Variants in AJAP1 observed in about 807,000 individuals in gnomAD.
AJAP1 encodes adherens junctions associated protein 1.
In AJAP1, 5 loss-of-function variants were observed where a neutral mutation model predicts 35.0. That is an observed-to-expected ratio of 0.14 (90% confidence interval 0.07 to 0.30). The LOEUF (loss-of-function observed/expected upper bound fraction) is 0.30. Ranked by LOEUF, AJAP1 falls within the 10% of genes least tolerant of loss-of-function variation. AJAP1 has a pLI of 1.00. For synonymous variants in AJAP1, 284 were observed against 249.3 expected (o/e 1.14, Z -1.31); for missense variants, 586 against 571.0 (o/e 1.03, Z -0.27).
chr1:4,733,340 G>T (rs897182553), intron 2 of AJAP1, among the ~76,000 whole-genome samples: 17 of 151,958 alleles, frequency 1.1e-4, no homozygotes, highest in African/African-American at 3.9e-4. Flanking sequence ...TCCAAAGCCT[G>T]GGTTTAGAAC....
chr1:4,710,111 CACAGGGACACACAGAT>C (rs1384974975), intron 1 of AJAP1, among the ~76,000 whole-genome samples: 1 of 152,038 alleles, frequency 6.6e-6, no homozygotes, highest in Non-Finnish European at 1.5e-5. Flanking sequence ...CGCATGCTCA[CACAGGGACACACAGAT>C]ACAGTTGCAC....
intron 2 of AJAP1, among the ~76,000 whole-genome samples, chr1:4,757,709 C>G (rs985575900): frequency 6.6e-6 from 1 of 152,200 alleles, no homozygotes; most frequent in Non-Finnish European, 1.5e-5. Flanking sequence ...GGTTTGTAGC[C>G]TGTTCTGGAT....
rs899163471 is a variant in AJAP1, at chr1:4,770,039, T to C, written c.917+99T>C. On this transcript the variant is annotated intron_variant, in intron 3 of 5. Transcript: ENST00000378191. The stretch of plus-strand genomic sequence containing the variant: ...CCCCTACTTTTCAAAGCCAGCCTGT[T>C]CTGCTGGCTTCTGCCCTGGGCAGTT... 53 of 1,040,038 alleles carry C rather than the reference T, an allele frequency of 5.1e-5. No individual in the cohort carries two copies. The African/African-American group carries it at 6.6e-4, about 13-fold the overall frequency. The allele number at this position is 1,040,038 out of a possible 1,614,324, so 64.4% of individuals were successfully genotyped here.
chr1:4,790,285 T>C lies in AJAP1; in HGVS notation c.*7800T>C, dbSNP rs1258100643. On this transcript the variant is annotated 3_prime_UTR_variant, in exon 6 of 6. Transcript: ENST00000378191. ...TTCTCTATTATTTCTCTCACATACA[T>C]GTGGATTTCTAATATCAAGTTATGT... is the stretch of plus-strand genomic sequence containing the variant. The C allele has an allele frequency of 6.6e-6, 1 of 152,252 alleles. No individual in the cohort carries two copies. Among genetic ancestry groups the C allele is most frequent in the Admixed American group, 6.5e-5 (1 of 15,286 alleles). 9.4% of individuals were successfully genotyped at this position (152,252 alleles called of 1,614,324 possible).
chr1:4,667,842 C>T (rs937443120), intron 1 of AJAP1, among the ~76,000 whole-genome samples: 1 of 152,168 alleles, frequency 6.6e-6, no homozygotes, highest in African/African-American at 2.4e-5. Flanking sequence ...GCAATGAGCC[C>T]ACAGCACTGA....
At chr1:4,687,116 C>A (rs149166353) in intron 1 of AJAP1, among the ~76,000 whole-genome samples, 2 of 152,218 alleles carry the variant, frequency 1.3e-5, no homozygotes, top group East Asian at 3.9e-4. Flanking sequence ...CTTTTCCTCG[C>A]TCTTTCCTTT....
At chr1:4,732,607 A>C (rs549222676) in intron 2 of AJAP1, among the ~76,000 whole-genome samples, 80 of 152,328 alleles carry the variant, frequency 5.3e-4, no homozygotes, top group African/African-American at 1.8e-3. Context: ...TGTCAATGAG[A>C]GTGTCCCTTG....
chr1:4,769,384 A>T (rs1164642350), intron 2 of AJAP1, among the ~76,000 whole-genome samples: 1 of 152,104 alleles, frequency 6.6e-6, no homozygotes, highest in East Asian at 1.9e-4. Flanking sequence ...GTCAGGCCAA[A>T]CCCTGCTCCC....
Position 4,655,753 on chromosome 1 carries a change from C to A in AJAP1, c.29+299C>A, listed in dbSNP as rs939199961. Among the ~76,000 whole-genome samples the A allele has an allele frequency of 6.7e-6, 1 of 149,642 alleles. No homozygotes were observed. ...GCGCGCCCGCAGCTCTAGGAGCCAG[C>A]AGCGCAGTGTCCTGGCCGGCTGCCC... On this transcript the variant is annotated intron_variant, in intron 1 of 5. Coordinates refer to ENST00000378191, the MANE Select transcript of AJAP1 (RefSeq NM_018836.4). This position sits in a 1 kb window ranked among gnomAD's most constrained non-coding sequence, Gnocchi z 6.9.
rs1425972058 is a variant in AJAP1 at position 4,782,838 on chromosome 1, C to T, written c.*353C>T. The T allele has an allele frequency of 1.5e-5, 6 of 398,436 alleles. No individual in the cohort carries two copies. The highest frequency in any genetic ancestry group is 3.6e-5 in the East Asian group (1 of 28,068). 24.7% of individuals were successfully genotyped at this position (398,436 alleles called of 1,614,324 possible). On this transcript the variant is annotated 3_prime_UTR_variant, in exon 6 of 6. Transcript: ENST00000378191. The surrounding 1 kb of genome is among the most constrained non-coding windows in gnomAD (Gnocchi z 5.3). ...AGCGAAAGGGACGGGAGGAAGCATC[C>T]GAAACCTAGGATTCGTCCTACGATT... is the stretch of plus-strand genomic sequence containing the variant.
chr1:4,682,194 C>G (rs1639498299), intron 1 of AJAP1, among the ~76,000 whole-genome samples: 1 of 152,190 alleles, frequency 6.6e-6, no homozygotes, highest in Non-Finnish European at 1.5e-5. Flanking sequence ...CATCTTAGAA[C>G]CCATGAAATA....
chr1:4,741,186 G>A (rs1271118491), intron 2 of AJAP1, among the ~76,000 whole-genome samples: 1 of 152,134 alleles, frequency 6.6e-6, no homozygotes, highest in African/African-American at 2.4e-5. Flanking sequence ...GTGAGCCCAG[G>A]GTCTTGGCTA....
intron 2 of AJAP1, among the ~76,000 whole-genome samples, chr1:4,754,884 G>A (rs914144690): frequency 1.3e-5 from 2 of 152,160 alleles, no homozygotes; most frequent in Admixed American, 1.3e-4. Flanking sequence ...GCATTTGTGG[G>A]GACAGTGCTC....
At chr1:4,772,548 C>G (rs756157078) in intron 4 of AJAP1, 23 bp downstream of exon 4, 1 of 1,608,198 alleles carries the variant, frequency 6.2e-7, no homozygotes, top group Non-Finnish European at 8.5e-7. Flanking sequence ...TCTGCTAGAC[C>G]CTGCAGCTGT....
At chr1:4,719,117 C>T (rs767502697) in intron 2 of AJAP1, among the ~76,000 whole-genome samples, 5 of 152,156 alleles carry the variant, frequency 3.3e-5, no homozygotes, top group Non-Finnish European at 7.3e-5. Context: ...GGGAATGATT[C>T]TGAGTGTAGA....
chr1:4,683,373 C>T (rs887280265), intron 1 of AJAP1, among the ~76,000 whole-genome samples: 1 of 152,206 alleles, frequency 6.6e-6, no homozygotes, highest in Non-Finnish European at 1.5e-5. Context: ...TTGGCCCGCC[C>T]TCACTGTTTC....
chr1:4,686,151 G>A (rs569907782), intron 1 of AJAP1, among the ~76,000 whole-genome samples: 3 of 152,294 alleles, frequency 2.0e-5, no homozygotes, highest in East Asian at 1.9e-4. Context: ...TCATCCTCAC[G>A]TCTTCCTTGA....
At chr1:4,694,738 C>T (rs924272772) in intron 1 of AJAP1, among the ~76,000 whole-genome samples, 1 of 152,180 alleles carries the variant, frequency 6.6e-6, no homozygotes, top group African/African-American at 2.4e-5. Context: ...AGAGCAGGTG[C>T]GCAGCTGGGG....
intron 1 of AJAP1, among the ~76,000 whole-genome samples, chr1:4,701,494 G>T (rs144093784): frequency 6.6e-6 from 1 of 152,176 alleles, no homozygotes; most frequent in East Asian, 1.9e-4. Context: ...TGAGACCATC[G>T]TTCCTCCCTT....
Sources: allele counts gnomAD v4.1 joint callset (sites outside exome capture counted in the v4.1 genomes callset), GRCh38; gene constraint gnomAD v4.1.1; non-coding constraint Gnocchi (gnomAD v3.1); transcripts MANE v1.5; gene names NCBI Gene and HGNC (gene_info 2026-07-23, HGNC 2026-07-21).